Variants in TOP2B observed in about 807,000 individuals in gnomAD.
TOP2B encodes DNA topoisomerase II beta.
In TOP2B, 51 loss-of-function variants were observed where a neutral mutation model predicts 193.5. That is an observed-to-expected ratio of 0.26 (90% CI 0.21 to 0.33). The LOEUF is 0.33. TOP2B is among the 10% of genes least tolerant of loss of function. The pLI is 1.00. For synonymous variants in TOP2B, 634 were observed against 635.7 expected (o/e 1.00, Z 0.04); for missense variants, 1,378 against 1,909.3 (o/e 0.72, Z 5.19).
At chr3:25,611,955 T>C (rs895572676) in intron 28 of TOP2B, among the ~76,000 whole-genome samples, 29 of 152,196 alleles carry the variant, frequency 1.9e-4, no homozygotes, top group African/African-American at 6.5e-4. Context: ...TATTTATTTT[T>C]TTTTGAGATG....
At chr3:25,602,133 C>A (rs1054929841) in intron 33 of TOP2B, among the ~76,000 whole-genome samples, 1 of 152,122 alleles carries the variant, frequency 6.6e-6, no homozygotes, top group African/African-American at 2.4e-5. Flanking sequence ...CAGTGGCTTA[C>A]ACCTGTAATC....
intron 30 of TOP2B, among the ~76,000 whole-genome samples, chr3:25,608,615 A>T (rs1156750788): frequency 6.6e-6 from 1 of 152,182 alleles, no homozygotes; most frequent in Non-Finnish European, 1.5e-5. Context: ...AAATAACAAA[A>T]TTTCAGAAGA....
chr3:25,615,652 G>T, intron 25 of TOP2B, 66 bp from the exon 26 acceptor site: 1 of 1,250,746 alleles, frequency 8.0e-7, no homozygotes, highest in Non-Finnish European at 1.0e-6. Context: ...GAATTTTATT[G>T]AATAATTAGT....
intron 5 of TOP2B, among the ~76,000 whole-genome samples, 197 bp from the exon 6 acceptor site, chr3:25,637,509 G>T (rs1292340148): frequency 2.0e-5 from 3 of 151,922 alleles, no homozygotes; most frequent in Non-Finnish European, 4.4e-5. Context: ...ATATATAGTA[G>T]TGTAATTAAA....
At chr3:25,664,045 GAGAA>G (rs1472125997) in intron 1 of TOP2B, among the ~76,000 whole-genome samples, 180 bp downstream of exon 1, 1 of 152,136 alleles carries the variant, frequency 6.6e-6, no homozygotes, top group Non-Finnish European at 1.5e-5. Flanking sequence ...GAGACGTACA[GAGAA>G]AGAAAGAAAG....
intron 27 of TOP2B, among the ~76,000 whole-genome samples, chr3:25,613,724 T>C (rs541744399): frequency 6.6e-6 from 1 of 151,002 alleles, no homozygotes; most frequent in East Asian, 1.9e-4. Context: ...CAAGACCATG[T>C]CTCAAAAAAA....
rs529132325 is a variant in TOP2B at position 25,600,006 on chromosome 3, G to A, written c.4616-477C>T. Among the ~76,000 whole-genome samples the A allele has an allele frequency of 1.9e-4, 29 of 152,220 alleles. No individual in the cohort carries two copies. The South Asian group carries it at 4.6e-3, about 24-fold the overall frequency. ...TTATAAAGGTCTAAATGTTTACTCC[G>A]TTTTACTTATCAAAGACTAGTAACA... On this transcript the variant is annotated intron_variant, in intron 34 of 35. Transcript: ENST00000264331.
intron 1 of TOP2B, among the ~76,000 whole-genome samples, chr3:25,659,390 A>T (rs1378099266): frequency 6.6e-6 from 1 of 152,214 alleles, no homozygotes; most frequent in Non-Finnish European, 1.5e-5. Flanking sequence ...CTTTCTCTAT[A>T]ATAAAGGGAA....
At chr3:25,610,494 A>C (rs1702342044) in intron 28 of TOP2B, among the ~76,000 whole-genome samples, 1 of 152,210 alleles carries the variant, frequency 6.6e-6, no homozygotes, top group East Asian at 1.9e-4. Flanking sequence ...GGAATTAAGG[A>C]GGGAAGGGCA....
intron 1 of TOP2B, among the ~76,000 whole-genome samples, chr3:25,645,688 C>T (rs1703395304): frequency 6.6e-6 from 1 of 152,100 alleles, no homozygotes; most frequent in Admixed American, 6.5e-5. Flanking sequence ...GTATAGTCAC[C>T]AGAATCACTA....
chr3:25,630,077 T>C lies in TOP2B; in HGVS notation c.1641A>G (p.Glu547=). The C allele has an allele frequency of 6.2e-7, 1 of 1,608,684 alleles. No homozygotes were observed. The highest frequency in any genetic ancestry group is 8.5e-7 in the Non-Finnish European group (1 of 1,177,510). The part of the protein sequence containing the change: ...LQYKKSYDDA[E]SLKTLRYGKI... ...TTCCATAGCGTAAGGTTTTCAGAGATTCTGCATCATCGTAACTTTTCTTAT... is the reference window on the plus strand; with the variant it reads ...TTCCATAGCGTAAGGTTTTCAGAGACTCTGCATCATCGTAACTTTTCTTAT... Residue 547 remains glutamate, a synonymous_variant, in exon 13 of 36, where the codon GAA becomes GAG. Transcript: ENST00000264331.
At chr3:25,649,592 T>C (rs1257395284) in intron 1 of TOP2B, among the ~76,000 whole-genome samples, 2 of 145,208 alleles carry the variant, frequency 1.4e-5, no homozygotes, top group Non-Finnish European at 3.0e-5. Context: ...TGGAAGAATA[T>C]ATCTGAAGTA....
intron 34 of TOP2B, 98 bp from the exon 35 acceptor site, chr3:25,599,627 C>G (rs1284547555): frequency 1.8e-6 from 2 of 1,137,464 alleles, no homozygotes; most frequent in African/African-American, 3.1e-5. Context: ...CATGCCCAAT[C>G]AGTGGAGCAT....
intron 24 of TOP2B, 24 bp downstream of exon 24, chr3:25,618,630 A>T: frequency 6.4e-7 from 1 of 1,572,622 alleles, no homozygotes; most frequent in East Asian, 2.2e-5. Context: ...ACTAATGTTC[A>T]AATTTTTAAA....
chr3:25,627,458 A>C (rs1702835046), intron 15 of TOP2B, among the ~76,000 whole-genome samples, 162 bp from the exon 16 acceptor site: 1 of 150,974 alleles, frequency 6.6e-6, no homozygotes, highest in African/African-American at 2.4e-5. Flanking sequence ...TAGACATTAG[A>C]TGCTTCCTGA....
chr3:25,659,879 C>G (rs1202301580), intron 1 of TOP2B, among the ~76,000 whole-genome samples: 1 of 152,166 alleles, frequency 6.6e-6, no homozygotes, highest in African/African-American at 2.4e-5. Flanking sequence ...TAAATTCCAC[C>G]TGTGCCTTAA....
intron 1 of TOP2B, among the ~76,000 whole-genome samples, chr3:25,650,402 A>G (rs1009612359): frequency 2.6e-5 from 4 of 152,186 alleles, no homozygotes; most frequent in Non-Finnish European, 4.4e-5. Context: ...TCCACCTCTT[A>G]GTAGCCATTG....
At chr3:25,602,350 T>C (rs1260324187) in intron 33 of TOP2B, among the ~76,000 whole-genome samples, 1 of 130,178 alleles carries the variant, frequency 7.7e-6, no homozygotes, top group East Asian at 2.3e-4. Flanking sequence ...TGAGCCAAGA[T>C]CACGCTACTC....
intron 30 of TOP2B, among the ~76,000 whole-genome samples, chr3:25,608,008 C>T (rs888995318): frequency 1.3e-5 from 2 of 152,030 alleles, no homozygotes; most frequent in African/African-American, 4.8e-5. Context: ...TGGTCTTGAA[C>T]TCCTGACCTC....
Sources: allele counts gnomAD v4.1 joint callset (sites outside exome capture counted in the v4.1 genomes callset), GRCh38; gene constraint gnomAD v4.1.1; transcripts MANE v1.5; gene names NCBI Gene and HGNC (gene_info 2026-07-23, HGNC 2026-07-21).